The following GTF2A1 variants were observed in gnomAD, a reference collection of about 807,000 sequenced individuals.
The protein encoded by GTF2A1 is transcription initiation factor IIA subunit 1.
A neutral mutation model predicts 54.1 loss-of-function variants in GTF2A1; 12 were observed. That is an observed-to-expected ratio of 0.22 (90% CI 0.14 to 0.36). GTF2A1 has a LOEUF of 0.36. Ranked by LOEUF, GTF2A1 falls within the 10% of genes least tolerant of loss-of-function variation. The pLI is 1.00. For missense variants in GTF2A1, 335 were observed against 442.2 expected (o/e 0.76, Z 2.17); for synonymous variants, 145 against 152.0 (o/e 0.95, Z 0.34).
intron 2 of GTF2A1, among the ~76,000 whole-genome samples, chr14:81,214,730 A>G (rs1002420532): frequency 6.6e-6 from 1 of 151,986 alleles, no homozygotes; most frequent in East Asian, 1.9e-4. Context: ...AATAGAAATT[A>G]TAACAAATTT....
intron 7 of GTF2A1, among the ~76,000 whole-genome samples, chr14:81,190,561 T>C (rs1168514325): frequency 2.0e-5 from 3 of 152,072 alleles, no homozygotes; most frequent in South Asian, 2.1e-4. Flanking sequence ...ATACAAATCA[T>C]TGCAGAAAAG....
chr14:81,180,357 TGAGA>T (rs753257974), intron 8 of GTF2A1, 27 bp from the exon 9 acceptor site: 3 of 957,424 alleles, frequency 3.1e-6, no homozygotes, highest in Non-Finnish European at 5.0e-6. Flanking sequence ...TTTTAAAAAT[TGAGA>T]GATACAATCA....
chr14:81,205,388 G>GGGAAAT (rs1481910071), intron 2 of GTF2A1, among the ~76,000 whole-genome samples: 1 of 152,120 alleles, frequency 6.6e-6, no homozygotes, highest in African/African-American at 2.4e-5. Flanking sequence ...CAAATGTTAA[G>GGGAAAT]GTCAATTTCC....
intron 7 of GTF2A1, among the ~76,000 whole-genome samples, chr14:81,186,452 C>CT (rs796620122): frequency 5.0e-4 from 74 of 147,762 alleles, no homozygotes; most frequent in East Asian, 1.4e-3. Context: ...AAGATTCAGA[C>CT]TTTTTTTTTT....
At chr14:81,180,390 T>TA in intron 8 of GTF2A1, 60 bp from the exon 9 acceptor site, 2 of 791,710 alleles carry the variant, frequency 2.5e-6, no homozygotes, top group Non-Finnish European at 4.5e-6. Flanking sequence ...AGAAAACAAG[T>TA]AACAAAAAAC....
chr14:81,189,739 G>A (rs139315157), intron 7 of GTF2A1, among the ~76,000 whole-genome samples: 1 of 152,022 alleles, frequency 6.6e-6, no homozygotes, highest in East Asian at 1.9e-4. Flanking sequence ...CAAACCTACT[G>A]ACAATATAAA....
chr14:81,196,292 CA>C (rs892878606), intron 5 of GTF2A1, 51 bp from the exon 6 acceptor site: 1 of 1,588,384 alleles, frequency 6.3e-7, no homozygotes. Context: ...GTGACCATCT[CA>C]AAAGAAATGA....
At chr14:81,180,519 G>A (rs1366633716) in intron 8 of GTF2A1, among the ~76,000 whole-genome samples, 189 bp from the exon 9 acceptor site, 5 of 151,980 alleles carry the variant, frequency 3.3e-5, no homozygotes, top group African/African-American at 7.3e-5. Flanking sequence ...GGCTGGGCTC[G>A]AGCTCCTGGC....
chr14:81,211,752 A>G (rs7148100), intron 2 of GTF2A1, among the ~76,000 whole-genome samples: 117,238 of 151,378 alleles, frequency 0.77, 46,213 homozygotes, highest in African/African-American at 0.89. Flanking sequence ...TTACACTTCT[A>G]GGTTCCCAAG....
rs577067481 is a variant in GTF2A1 at position 81,196,666 on chromosome 14, G to T, written c.479-425C>A. ...ATCTTGAACCAAACAAAGCACCAAAGAACTTTGCTTCAAAATTGGTAAAAG... is the reference window on the plus strand; with the variant it reads ...ATCTTGAACCAAACAAAGCACCAAATAACTTTGCTTCAAAATTGGTAAAAG... On this transcript the variant is annotated intron_variant, in intron 5 of 8. Coordinates refer to ENST00000553612, the MANE Select transcript of GTF2A1 (RefSeq NM_015859.4). Among the ~76,000 whole-genome samples the T allele has an allele frequency of 3.3e-5, 5 of 152,268 alleles. No individual in the cohort carries two copies. In the East Asian group the frequency reaches 9.6e-4, roughly 29 times the overall value.
At chr14:81,205,043 T>G (rs1893199502) in intron 2 of GTF2A1, among the ~76,000 whole-genome samples, 1 of 152,240 alleles carries the variant, frequency 6.6e-6, no homozygotes, top group Non-Finnish European at 1.5e-5. Context: ...GCATATTGCC[T>G]AATTGACCTG....
chr14:81,190,332 TA>T (rs1044229430), intron 7 of GTF2A1, among the ~76,000 whole-genome samples: 62 of 149,512 alleles, frequency 4.1e-4, no homozygotes, highest in African/African-American at 1.4e-3. Flanking sequence ...AAAGCTACCA[TA>T]ACTGAAAACC....
At chr14:81,220,081 T>C (rs1442659834) in intron 1 of GTF2A1, among the ~76,000 whole-genome samples, 1 of 151,728 alleles carries the variant, frequency 6.6e-6, no homozygotes, top group East Asian at 1.9e-4. Context: ...CCACACACAG[T>C]TTTTGTTCTG....
At chr14:81,180,790 C>A (rs959449231) in intron 8 of GTF2A1, among the ~76,000 whole-genome samples, 1 of 152,116 alleles carries the variant, frequency 6.6e-6, no homozygotes, top group Non-Finnish European at 1.5e-5. Context: ...TATCTCTCTA[C>A]CAGGTTTGCA....
chr14:81,206,728 A>G (rs1019798395), intron 2 of GTF2A1, among the ~76,000 whole-genome samples: 1 of 152,090 alleles, frequency 6.6e-6, no homozygotes, highest in African/African-American at 2.4e-5. Context: ...CCCACTAGTG[A>G]TTCATAGTCA....
chr14:81,219,843 G>A (rs939819643), intron 1 of GTF2A1, among the ~76,000 whole-genome samples: 8 of 152,182 alleles, frequency 5.3e-5, no homozygotes, highest in Non-Finnish European at 1.0e-4. Context: ...GCTTCTGCTA[G>A]GCGAAGATAC....
At chr14:81,182,293 C>T (rs1892655657) in intron 8 of GTF2A1, among the ~76,000 whole-genome samples, 1 of 152,182 alleles carries the variant, frequency 6.6e-6, no homozygotes, top group South Asian at 2.1e-4. Context: ...TACATAAATG[C>T]TAAATGTAGC....
At chr14:81,194,431 C>T (rs1225549251) in intron 6 of GTF2A1, among the ~76,000 whole-genome samples, 2 of 152,176 alleles carry the variant, frequency 1.3e-5, no homozygotes, top group East Asian at 3.8e-4. Flanking sequence ...AGTTGCCAGA[C>T]GGCATTCTTA....
chr14:81,207,051 T>G (rs920558765), intron 2 of GTF2A1, among the ~76,000 whole-genome samples: 4 of 152,168 alleles, frequency 2.6e-5, no homozygotes, highest in African/African-American at 9.7e-5. Flanking sequence ...CAAGGCGAAT[T>G]TTTTTAAATT....
Sources: allele counts gnomAD v4.1 joint callset (sites outside exome capture counted in the v4.1 genomes callset), GRCh38; gene constraint gnomAD v4.1.1; transcripts MANE v1.5; gene names NCBI Gene and HGNC (gene_info 2026-07-23, HGNC 2026-07-21).